CX3CR1: variants seen among roughly 807,000 people sequenced by gnomAD.
CX3CR1 encodes the protein CX3C chemokine receptor 1.
For synonymous variants in CX3CR1, 168 were observed against 178.5 expected (o/e 0.94, Z 0.47); for missense variants, 363 against 432.4 (o/e 0.84, Z 1.42).
the CX3CR1 span, among the ~76,000 whole-genome samples, chr3:39,288,326 C>A: frequency 9.2e-5 from 14 of 152,208 alleles, no homozygotes; most frequent in Non-Finnish European, 1.5e-4. Flanking sequence ...GCCTGCCTAC[C>A]TTCTGCTCAG....
At chr3:39,270,544 C>T (rs2040763624) in intron 1 of CX3CR1, among the ~76,000 whole-genome samples, 1 of 152,180 alleles carries the variant, frequency 6.6e-6, no homozygotes, top group African/African-American at 2.4e-5. Context: ...GCAACAATCT[C>T]TAAGATATAC....
At chr3:39,291,109 T>C in the CX3CR1 span, among the ~76,000 whole-genome samples, 6 of 151,020 alleles carry the variant, frequency 4.0e-5, no homozygotes, top group East Asian at 9.8e-4. Flanking sequence ...CAGGCTGGAG[T>C]GCAATAGCGC....
the CX3CR1 span, among the ~76,000 whole-genome samples, chr3:39,291,412 TCATGTGACCATA>T: frequency 7.8e-3 from 1,193 of 152,302 alleles, 30 homozygotes; most frequent in Admixed American, 0.056. Context: ...GTAGATTCAG[TCATGTGACCATA>T]CATGTGACCA....
At chr3:39,271,952 G>C (rs56110221) in intron 1 of CX3CR1, among the ~76,000 whole-genome samples, 1,600 of 152,324 alleles carry the variant, frequency 0.011, 20 homozygotes, top group Middle Eastern at 0.024. Context: ...CCGTGCCTTG[G>C]GGGTGGCCCT....
intron 1 of CX3CR1, among the ~76,000 whole-genome samples, chr3:39,270,512 G>A (rs1183605571): frequency 1.3e-5 from 2 of 152,168 alleles, no homozygotes; most frequent in African/African-American, 4.8e-5. Context: ...ACAAAAACAG[G>A]CAGATCTGTA....
upstream of CX3CR1, chr3:39,280,546 C>T (rs911943477): frequency 1.3e-5 from 11 of 867,560 alleles, no homozygotes; most frequent in African/African-American, 3.6e-5. Context: ...GAGTGATATG[C>T]ATACTAAGTT....
chr3:39,265,066 C>T lies in CX3CR1; in HGVS notation c.*376G>A, dbSNP rs2040676026. 5.7e-6 allele frequency: 1 copy of T among 173,976 alleles called. No homozygotes were observed. The highest frequency in any genetic ancestry group is 6.0e-5 in the Admixed American group (1 of 16,636). The allele number at this position is 173,976 out of a possible 1,614,324, so 10.8% of individuals were successfully genotyped here. Reference sequence around the variant, plus strand: ...ATTTGAGAGTCAGAGAGAGGGAATTCTAGCTTGGCTCAGGCCCTGGTTTCC... The same window carrying T: ...ATTTGAGAGTCAGAGAGAGGGAATTTTAGCTTGGCTCAGGCCCTGGTTTCC... On this transcript the variant is annotated 3_prime_UTR_variant, in exon 2 of 2. Coordinates refer to ENST00000399220, the MANE Select transcript of CX3CR1 (RefSeq NM_001337.4).
intron 1 of CX3CR1, chr3:39,266,804 AT>A: frequency 1.8e-6 from 1 of 547,984 alleles, no homozygotes; most frequent in Admixed American, 2.1e-5. Context: ...TTTTTTTTAA[AT>A]GGAGTCTCGC....
chr3:39,276,758 C>T (rs2040845440), intron 1 of CX3CR1, among the ~76,000 whole-genome samples: 2 of 152,106 alleles, frequency 1.3e-5, no homozygotes, highest in Non-Finnish European at 2.9e-5. Flanking sequence ...TTGAGCCAAA[C>T]CAAAAAGTAT....
At chr3:39,289,309 G>A in the CX3CR1 span, among the ~76,000 whole-genome samples, 1 of 152,180 alleles carries the variant, frequency 6.6e-6, no homozygotes, top group African/African-American at 2.4e-5. Flanking sequence ...CTCTTCCTAA[G>A]AGTCTTGGTG....
intron 1 of CX3CR1, among the ~76,000 whole-genome samples, chr3:39,275,411 T>A (rs1313662122): frequency 6.6e-6 from 1 of 152,180 alleles, no homozygotes; most frequent in African/African-American, 2.4e-5. Flanking sequence ...ATAAATTTGA[T>A]TTTCCTCTGG....
chr3:39,285,212 GAAAAAAA>G (rs4016656), upstream of CX3CR1, among the ~76,000 whole-genome samples: 42 of 115,618 alleles, frequency 3.6e-4, no homozygotes, highest in African/African-American at 1.3e-3. Context: ...CATTGGTACA[GAAAAAAA>G]AAAAAAAAAA....
Position 39,264,616 on chromosome 3 carries a change from G to A in CX3CR1, c.*826C>T, listed in dbSNP as rs568700404. ...GGACCCCATGGTGGACGTATGAGAA[G>A]CCAAGCATTTGAGTTTTGACTCGAT... On this transcript the variant is annotated 3_prime_UTR_variant, in exon 2 of 2. Transcript: ENST00000399220. 25 of 152,418 alleles carry A rather than the reference G, an allele frequency of 1.6e-4. No homozygotes were observed. The highest frequency in any genetic ancestry group is 9.2e-4 in the Admixed American group (14 of 15,296). The allele number at this position is 152,418 out of a possible 1,614,324, so 9.4% of individuals were successfully genotyped here. A position where few individuals can be genotyped will look rare whatever the true frequency, so the allele number is the denominator to read the frequency against.
At chr3:39,280,443 G>A (rs978802228), upstream of CX3CR1, 21 of 985,400 alleles carry the variant, frequency 2.1e-5, 1 homozygote, top group Admixed American at 1.8e-4. Flanking sequence ...TCAAAGTGCA[G>A]TCCCAGGCAC....
intron 1 of CX3CR1, among the ~76,000 whole-genome samples, chr3:39,276,573 A>G (rs1043310610): frequency 6.6e-6 from 1 of 152,218 alleles, no homozygotes; most frequent in Non-Finnish European, 1.5e-5. Flanking sequence ...TAGACTGCTA[A>G]TTCTCCTTGC....
At chr3:39,288,633 T>C in the CX3CR1 span, among the ~76,000 whole-genome samples, 2 of 152,342 alleles carry the variant, frequency 1.3e-5, no homozygotes, top group East Asian at 1.9e-4. Context: ...CTCTGGTTCA[T>C]TGGTTTTACT....
chr3:39,284,737 G>A (rs1022229735), upstream of CX3CR1, among the ~76,000 whole-genome samples: 1 of 152,306 alleles, frequency 6.6e-6, no homozygotes, highest in African/African-American at 2.4e-5. Flanking sequence ...GATGAAATGG[G>A]GAGAAAAGAG....
Position 39,266,203 on chromosome 3 carries a change from T to G in CX3CR1, c.307A>C (p.Lys103Gln). 6.2e-7 allele frequency: 1 copy of G among 1,614,220 alleles called. No homozygotes were observed. Among genetic ancestry groups the G allele is most frequent in the Non-Finnish European group, 8.5e-7 (1 of 1,180,022 alleles). ...NEKGLHNAMC[K>Q]FTTAFFFIGF... The stretch of plus-strand genomic sequence containing the variant: ...ATGAAGAAGAAGGCGGTAGTGAATT[T>G]GCACATGGCATTGTGGAGGCCCTTT... Residue 103 changes from lysine (K) to glutamine (Q), a missense_variant, in exon 2 of 2, where the codon AAA becomes CAA. Lys to Gln is a moderately conservative substitution (Grantham distance 53). Coordinates refer to ENST00000399220, the MANE Select transcript of CX3CR1 (RefSeq NM_001337.4).
chr3:39,271,838 T>C (rs1168671191), intron 1 of CX3CR1, among the ~76,000 whole-genome samples: 1 of 152,240 alleles, frequency 6.6e-6, no homozygotes, highest in Non-Finnish European at 1.5e-5. Context: ...TAAGGAAGAC[T>C]GAGCCTGAGC....
Sources: gnomAD v4.1 joint callset for allele counts (sites outside exome capture counted in the v4.1 genomes callset) on GRCh38, gnomAD v4.1.1 for gene constraint, MANE v1.5 for transcripts, NCBI Gene and HGNC (gene_info 2026-07-23, HGNC 2026-07-21) for gene names.